UNC80: variants seen among roughly 807,000 people sequenced by gnomAD.
UNC80 encodes protein unc-80 homolog.
Under a neutral mutation model 384.6 loss-of-function variants are expected in UNC80, and 164 were observed. The ratio of observed to expected loss-of-function variants is 0.43; its 90% confidence interval spans 0.38 to 0.49. The LOEUF (loss-of-function observed/expected upper bound fraction) is 0.49, where lower values mean the gene tolerates loss of function less well. UNC80 is among the 20% of genes least tolerant of loss of function. The probability of loss-of-function intolerance (pLI) is 0.00; values close to 1 mark genes in which losing one functional copy is unlikely to be tolerated. For synonymous variants in UNC80, 1,486 were observed against 1,527.8 expected (o/e 0.97, Z 0.64); for missense variants, 3,330 against 4,143.0 (o/e 0.80, Z 5.39).
intron 7 of UNC80, 54 bp downstream of exon 7, chr2:209,793,913 A>G: frequency 6.2e-7 from 1 of 1,603,410 alleles, no homozygotes; most frequent in South Asian, 1.1e-5. Context: ...CAAAAATCAA[A>G]TATGCATTTT....
intron 29 of UNC80, among the ~76,000 whole-genome samples, chr2:209,908,767 G>A (rs1317096422): frequency 6.6e-6 from 1 of 152,096 alleles, no homozygotes; most frequent in African/African-American, 2.4e-5. Context: ...CCAAGACCAG[G>A]CCCTGGATCT....
Position 209,789,520 on chromosome 2 carries a change from C to G in UNC80, c.725-12C>G, listed in dbSNP as rs1205433807. 2 of 1,602,222 alleles carry G rather than the reference C, an allele frequency of 1.2e-6. No homozygotes were observed. Among genetic ancestry groups the G allele is most frequent in the Admixed American group, 3.4e-5 (2 of 58,744 alleles). On this transcript the variant is annotated splice_polypyrimidine_tract_variant and intron_variant, in intron 5 of 64. Transcript: ENST00000673920. ...ACCTTACAAAACGATGGAACTTCTT[C>G]CGTCTTTTCAGCTAAGAGAAGTTCT...
At chr2:209,834,450 A>G (rs549319534) in intron 17 of UNC80, among the ~76,000 whole-genome samples, 11 of 152,264 alleles carry the variant, frequency 7.2e-5, no homozygotes, top group Admixed American at 2.0e-4. Context: ...GTAAAACGCT[A>G]CCTGTTTTAG....
chr2:209,809,814 A>G (rs1224654033), intron 7 of UNC80, among the ~76,000 whole-genome samples: 1 of 152,140 alleles, frequency 6.6e-6, no homozygotes, highest in Non-Finnish European at 1.5e-5. Flanking sequence ...TCCCGTGGCC[A>G]TGTCTGTGGA....
chr2:209,991,838 G>GA (rs970064459), intron 61 of UNC80, among the ~76,000 whole-genome samples: 3 of 151,818 alleles, frequency 2.0e-5, no homozygotes, highest in Admixed American at 6.6e-5. Flanking sequence ...CTTCCCCTTG[G>GA]AAAAAAAATT....
intron 8 of UNC80, among the ~76,000 whole-genome samples, chr2:209,814,857 G>C (rs1211771658): frequency 6.6e-6 from 1 of 152,030 alleles, no homozygotes; most frequent in African/African-American, 2.4e-5. Context: ...AAACAAACAT[G>C]AGCAATAGCA....
chr2:209,810,563 A>G (rs935254182), intron 7 of UNC80, among the ~76,000 whole-genome samples: 16 of 151,900 alleles, frequency 1.1e-4, no homozygotes, highest in African/African-American at 3.9e-4. Flanking sequence ...CCTCCTTCGT[A>G]TCCTTCTTGG....
At chr2:209,955,693 A>T (rs185659396) in intron 48 of UNC80, among the ~76,000 whole-genome samples, 9,771 of 19,746 alleles carry the variant, frequency 0.49, 1,112 homozygotes, top group South Asian at 0.54. Context: ...TGTATTTCTA[A>T]TATATATATA....
chr2:209,901,622 A>G (rs2087413452), intron 28 of UNC80, among the ~76,000 whole-genome samples: 1 of 152,072 alleles, frequency 6.6e-6, no homozygotes, highest in South Asian at 2.1e-4. Flanking sequence ...TTCAAGTCTT[A>G]TGATTTAAGA....
chr2:209,878,198 T>C, intron 24 of UNC80, 109 bp downstream of exon 24: 1 of 1,140,628 alleles, frequency 8.8e-7, no homozygotes, highest in Non-Finnish European at 1.2e-6. Flanking sequence ...TCCCCATGTC[T>C]TTCCACTGCT....
chr2:209,940,074 A>G (rs977583899), intron 43 of UNC80, among the ~76,000 whole-genome samples: 3 of 152,178 alleles, frequency 2.0e-5, no homozygotes, highest in African/African-American at 7.2e-5. Flanking sequence ...CAAGCACCAC[A>G]TTTTGAGAAC....
chr2:209,834,229 T>C lies in UNC80; in HGVS notation c.2942+61T>C, dbSNP rs79311964. 3,288 of 1,504,278 alleles carry C rather than the reference T, an allele frequency of 2.2e-3. 52 individuals carry two copies. In the African/African-American group the frequency reaches 0.038, roughly 17 times the overall value. 93.2% of individuals were successfully genotyped at this position (1,504,278 alleles called of 1,614,324 possible). On this transcript the variant is annotated intron_variant, in intron 17 of 64. Coordinates refer to ENST00000673920, the MANE Select transcript of UNC80 (RefSeq NM_001371986.1). ...CCTTAAGTCAGTAGAATAAAATCTGTTGTACTGTTTGTGTGGTTCCTGTGC... is the reference window on the plus strand; with the variant it reads ...CCTTAAGTCAGTAGAATAAAATCTGCTGTACTGTTTGTGTGGTTCCTGTGC...
At chr2:209,924,937 A>G (rs939645597) in intron 35 of UNC80, among the ~76,000 whole-genome samples, 17 of 152,030 alleles carry the variant, frequency 1.1e-4, no homozygotes, top group African/African-American at 2.9e-4. Flanking sequence ...GGGGGCTCCA[A>G]AACTGCTCTG....
In UNC80 at chr2:209,918,501, C is replaced by A. The variant is rs762386220; in HGVS notation, c.5212-31C>A. ...AGCCTCATTCTAGCTTATATTCCCTCTCACCTAATTTTTCTGATGTCAACT... is the reference window on the plus strand; with the variant it reads ...AGCCTCATTCTAGCTTATATTCCCTATCACCTAATTTTTCTGATGTCAACT... On this transcript the variant is annotated intron_variant, in intron 32 of 64. Coordinates refer to ENST00000673920, the MANE Select transcript of UNC80 (RefSeq NM_001371986.1). 2.6e-6 allele frequency: 4 copies of A among 1,547,618 alleles called. No homozygotes were observed. In the African/African-American group the frequency reaches 5.5e-5, roughly 21 times the overall value.
Position 209,992,376 on chromosome 2 carries a change from G to C in UNC80, c.9396+129G>C. ...CGGAATCCCAGCTACTGGGGAGGCT[G>C]ATGTGGGAGGATTGCTTGAGCCCAG... On this transcript the variant is annotated intron_variant, in intron 62 of 64. Coordinates refer to ENST00000673920, the MANE Select transcript of UNC80 (RefSeq NM_001371986.1). The C allele has an allele frequency of 8.7e-6, 7 of 802,898 alleles. No individual in the cohort carries two copies. In the South Asian group the frequency reaches 8.9e-5, roughly 10 times the overall value. 49.7% of individuals were successfully genotyped at this position (802,898 alleles called of 1,614,324 possible).
At chr2:209,919,310 A>T (rs765337238) in intron 33 of UNC80, among the ~76,000 whole-genome samples, 20 of 152,216 alleles carry the variant, frequency 1.3e-4, no homozygotes, top group Non-Finnish European at 2.6e-4. Flanking sequence ...AATTTGGAAA[A>T]TAAAGCAAAA....
At chr2:209,912,486 T>C (rs1393312792) in intron 29 of UNC80, 74 bp from the exon 30 acceptor site, 3 of 888,176 alleles carry the variant, frequency 3.4e-6, no homozygotes, top group Middle Eastern at 2.3e-4. Context: ...GCCTGGAGAA[T>C]TGCGGGGACA....
chr2:209,881,228 G>A (rs2085261913), intron 25 of UNC80, 134 bp downstream of exon 25: 1 of 1,013,846 alleles, frequency 9.9e-7, no homozygotes, highest in Admixed American at 3.2e-5. Context: ...TCAACCAAGG[G>A]ATTTTGAAAC....
chr2:209,902,273 G>A (rs2087501467), intron 28 of UNC80, among the ~76,000 whole-genome samples: 1 of 152,152 alleles, frequency 6.6e-6, no homozygotes, highest in African/African-American at 2.4e-5. Flanking sequence ...AACTTGAGTG[G>A]GTGAGGAAGT....
Sources: allele counts gnomAD v4.1 joint callset (sites outside exome capture counted in the v4.1 genomes callset), GRCh38; gene constraint gnomAD v4.1.1; transcripts MANE v1.5; gene names NCBI Gene and HGNC (gene_info 2026-07-23, HGNC 2026-07-21).